Variants in DLAT observed in about 807,000 individuals in gnomAD.
The protein encoded by DLAT is dihydrolipoamide S-acetyltransferase.
DLAT carries 43 observed loss-of-function variants against 68.0 expected under a neutral mutation model. The ratio of observed to expected loss-of-function variants is 0.63; its 90% confidence interval spans 0.50 to 0.81. The LOEUF (loss-of-function observed/expected upper bound fraction) is 0.81. DLAT is among the 40% of genes least tolerant of loss of function. The pLI, the probability that DLAT is intolerant of heterozygous loss-of-function variation, is 0.00. For missense variants in DLAT, 745 were observed against 815.4 expected (o/e 0.91, Z 1.05); for synonymous variants, 265 against 288.6 (o/e 0.92, Z 0.83).
Position 112,063,375 on chromosome 11 carries a change from G to C in DLAT, c.*840G>C, listed in dbSNP as rs993716606. ...GTAGTTCATTGTAAATGAACATAAT[G>C]AACAGAATTTATGACTCCACTGTGG... On this transcript the variant is annotated 3_prime_UTR_variant, in exon 14 of 14. Transcript: ENST00000280346. 6.6e-6 allele frequency: 1 copy of C among 152,446 alleles called. No individual in the cohort carries two copies. Among genetic ancestry groups the C allele is most frequent in the Non-Finnish European group, 1.5e-5 (1 of 67,984 alleles). 9.4% of individuals were successfully genotyped at this position (152,446 alleles called of 1,614,324 possible).
Position 112,063,800 on chromosome 11 carries a change from G to T in DLAT, c.*1265G>T. 1 of 164,394 alleles carries T rather than the reference G, an allele frequency of 6.1e-6. No homozygotes were observed. Among genetic ancestry groups the T allele is most frequent in the Non-Finnish European group, 1.3e-5 (1 of 76,582 alleles). 10.2% of individuals were successfully genotyped at this position (164,394 alleles called of 1,614,324 possible). A position where few individuals can be genotyped will look rare whatever the true frequency, so the allele number is the denominator to read the frequency against. On this transcript the variant is annotated 3_prime_UTR_variant, in exon 14 of 14. Transcript: ENST00000280346. Reference sequence around the variant, plus strand: ...ATATTCTGGATTATAAAAATGAATTGGGAACATTATCACAATTCCAGACTT... The same window carrying T: ...ATATTCTGGATTATAAAAATGAATTTGGAACATTATCACAATTCCAGACTT...
intron 11 of DLAT, among the ~76,000 whole-genome samples, chr11:112,052,823 T>C (rs1863734239): frequency 6.6e-6 from 1 of 152,124 alleles, no homozygotes; most frequent in Admixed American, 6.5e-5. Context: ...CCTCTAGTCA[T>C]TTTGACCCTT....
At position 112,064,313 on chromosome 11, in the gene DLAT, C is replaced by T. The variant is rs895422752; in HGVS notation, c.*1778C>T. 48 of 1,082,302 alleles carry T rather than the reference C, an allele frequency of 4.4e-5. No individual in the cohort carries two copies. The highest frequency in any genetic ancestry group is 1.4e-4 in the Admixed American group (4 of 29,180). The allele number at this position is 1,082,302 out of a possible 1,614,324, so 67.0% of individuals were successfully genotyped here. On this transcript the variant is annotated 3_prime_UTR_variant, in exon 14 of 14. Coordinates refer to ENST00000280346, the MANE Select transcript of DLAT (RefSeq NM_001931.5). ...TAATCTAAATCGATTCAGTCTCTTA[C>T]CAGAACTGAAAGAAAAAAGTTAGAA...
intron 7 of DLAT, among the ~76,000 whole-genome samples, chr11:112,039,598 T>G (rs1488992128): frequency 5.3e-5 from 8 of 152,222 alleles, no homozygotes; most frequent in African/African-American, 1.9e-4. Flanking sequence ...CTTTATTTAC[T>G]CTGCCTAGAA....
At chr11:112,039,995 T>A (rs1306993205) in intron 7 of DLAT, among the ~76,000 whole-genome samples, 3 of 152,228 alleles carry the variant, frequency 2.0e-5, no homozygotes, top group Non-Finnish European at 4.4e-5. Context: ...AGATTGTATG[T>A]CCTTATGTCA....
At chr11:112,043,572 C>T (rs200893668) in intron 8 of DLAT, 39 bp downstream of exon 8, 1 of 1,511,464 alleles carries the variant, frequency 6.6e-7, no homozygotes, top group Non-Finnish European at 9.2e-7. Context: ...TGCAGTTTGT[C>T]TCTACAGCCT....
intron 8 of DLAT, among the ~76,000 whole-genome samples, chr11:112,044,574 A>G (rs1023957709): frequency 4.6e-5 from 7 of 152,132 alleles, no homozygotes; most frequent in African/African-American, 1.7e-4. Context: ...ATAATTTTGC[A>G]AAAACAAAAT....
At chr11:112,028,491 A>T (rs782599354) in intron 2 of DLAT, 24 bp from the exon 3 acceptor site, 6 of 1,612,156 alleles carry the variant, frequency 3.7e-6, no homozygotes, top group Non-Finnish European at 8.5e-7. Flanking sequence ...TACAAACCTG[A>T]GCTACTGCTT....
intron 13 of DLAT, 36 bp from the exon 14 acceptor site, chr11:112,062,370 T>C: frequency 6.2e-7 from 1 of 1,611,288 alleles, no homozygotes; most frequent in Non-Finnish European, 8.5e-7. Context: ...CAGTATTTTC[T>C]TTCAGAATAT....
chr11:112,042,771 G>A (rs959323887), intron 7 of DLAT, among the ~76,000 whole-genome samples: 3 of 152,200 alleles, frequency 2.0e-5, no homozygotes, highest in Non-Finnish European at 4.4e-5. Flanking sequence ...CCTTCCTCAT[G>A]TGTGACATTG....
At chr11:112,029,955 TG>T in intron 4 of DLAT, 1 of 940,270 alleles carries the variant, frequency 1.1e-6, no homozygotes, top group Non-Finnish European at 1.7e-6. Flanking sequence ...AAACATTACA[TG>T]CTTCCCATCC....
chr11:112,057,959 C>T (rs1162478884), intron 11 of DLAT, among the ~76,000 whole-genome samples: 10 of 152,174 alleles, frequency 6.6e-5, no homozygotes, highest in Admixed American at 6.5e-4. Flanking sequence ...TAGTAGACAA[C>T]AGTGTAGTGT....
In DLAT at chr11:112,026,304, GTTT is replaced by G. The variant is rs5794771; in HGVS notation, c.381+20_381+22del. On this transcript the variant is annotated splice_donor_region_variant and intron_variant, in intron 2 of 13. Transcript: ENST00000280346. ...GAAGGTGACCTAATTGCAGAGGTAAGTTTTTTTTTTTTTTTTTAATTAATTTAT... is the reference window on the plus strand; with the variant it reads ...GAAGGTGACCTAATTGCAGAGGTAAGTTTTTTTTTTTTTTAATTAATTTAT... 174 of 1,037,686 alleles carry G rather than the reference GTTT, an allele frequency of 1.7e-4. No homozygotes were observed. The highest frequency in any genetic ancestry group is 4.5e-4 in the Admixed American group (13 of 28,752). The allele number at this position is 1,037,686 out of a possible 1,614,324, so 64.3% of individuals were successfully genotyped here.
At chr11:112,053,463 T>C (rs1044831543) in intron 11 of DLAT, among the ~76,000 whole-genome samples, 2 of 152,148 alleles carry the variant, frequency 1.3e-5, no homozygotes, top group African/African-American at 4.8e-5. Context: ...TTTTTGTGTT[T>C]TGTTTTTGTG....
chr11:112,034,785 T>G (rs1317196103), intron 5 of DLAT, among the ~76,000 whole-genome samples: 1 of 151,596 alleles, frequency 6.6e-6, no homozygotes, highest in African/African-American at 2.4e-5. Flanking sequence ...TTTTCTTTTT[T>G]TTTTTTGAGA....
chr11:112,038,507 T>C (rs1862887643), intron 6 of DLAT, among the ~76,000 whole-genome samples: 1 of 151,434 alleles, frequency 6.6e-6, no homozygotes, highest in Non-Finnish European at 1.5e-5. Flanking sequence ...CCGTATTTCT[T>C]AAGATACTTT....
rs587637247 is a variant in DLAT at position 112,061,280 on chromosome 11, G to A, written c.1814+106G>A. 9 of 1,209,442 alleles carry A rather than the reference G, an allele frequency of 7.4e-6. No individual in the cohort carries two copies. In the East Asian group the frequency reaches 9.4e-5, roughly 13 times the overall value. 74.9% of individuals were successfully genotyped at this position (1,209,442 alleles called of 1,614,324 possible). ...GGCTCCAGGAACCCCCTCAAATATC[G>A]TGATCCACAATGCTCAAGTCCCTGA... On this transcript the variant is annotated intron_variant, in intron 13 of 13. Transcript: ENST00000280346.
chr11:112,062,460 G>A lies in DLAT; in HGVS notation c.1869G>A (p.Val623=). ...CACTCAGTTGTGATCACCGGGTGGT[G>A]GATGGAGCAGTTGGAGCCCAGTGGC... ...SVTLSCDHRV[V]DGAVGAQWLA... is the part of the protein sequence containing the mutation. The change falls in exon 14 of 14, where the codon GTG becomes GTA. Residue 623 remains valine, a synonymous_variant. Transcript: ENST00000280346. 1 of 1,612,770 alleles carries A rather than the reference G, an allele frequency of 6.2e-7. No individual in the cohort carries two copies. The highest frequency in any genetic ancestry group is 8.5e-7 in the Non-Finnish European group (1 of 1,179,996).
chr11:112,059,997 AT>A lies in DLAT; in HGVS notation c.1611del (p.Ile537MetfsTer8), dbSNP rs1555183017. On this transcript the variant is annotated frameshift_variant, in exon 12 of 14. Coordinates refer to ENST00000280346, the MANE Select transcript of DLAT (RefSeq NM_001931.5). LOFTEE classifies it high-confidence loss of function. ...FNAHIKGVET[I>X]ANDVVSLATK... ...TGCACATATAAAAGGAGTGGAAACC[AT>A]TGCTAATGATGTTGTTTCTTTAGCA... 1 of 1,614,048 alleles carries A rather than the reference AT, an allele frequency of 6.2e-7. No individual in the cohort carries two copies. The highest frequency in any genetic ancestry group is 8.5e-7 in the Non-Finnish European group (1 of 1,179,982).
Sources: allele counts gnomAD v4.1 joint callset (sites outside exome capture counted in the v4.1 genomes callset), GRCh38; gene constraint gnomAD v4.1.1; transcripts MANE v1.5; gene names NCBI Gene and HGNC (gene_info 2026-07-23, HGNC 2026-07-21).